CD247: variants seen among roughly 807,000 people sequenced by gnomAD.
CD247 encodes T-cell surface glycoprotein CD3 zeta chain.
Under a neutral mutation model 30.0 loss-of-function variants are expected in CD247, and 13 were observed. The observed-to-expected ratio is 0.43, with a 90% CI of 0.28 to 0.69. The LOEUF is 0.69. CD247 is among the 30% of genes least tolerant of loss of function. The pLI is 0.16. For missense variants in CD247, 193 were observed against 212.6 expected, an observed-to-expected ratio of 0.91 and a Z score of 0.57; for synonymous variants, 72 against 80.0, an observed-to-expected ratio of 0.90 and a Z score of 0.53.
intron 1 of CD247, among the ~76,000 whole-genome samples, chr1:167,469,137 A>G (rs1053773667): frequency 2.6e-5 from 4 of 152,116 alleles, no homozygotes; most frequent in African/African-American, 7.2e-5. Context: ...TGTGTGCCAC[A>G]GTGCCCGGCT....
chr1:167,474,721 A>G (rs1265107913), intron 1 of CD247, among the ~76,000 whole-genome samples: 1 of 151,774 alleles, frequency 6.6e-6, no homozygotes, highest in Non-Finnish European at 1.5e-5. Context: ...TTGAGCATAT[A>G]AGAAAAACGA....
intron 1 of CD247, among the ~76,000 whole-genome samples, chr1:167,456,243 G>C (rs994754706): frequency 6.6e-6 from 1 of 152,094 alleles, no homozygotes; most frequent in South Asian, 2.1e-4. Flanking sequence ...GTGGAGCTCC[G>C]AGAATACATG....
intron 1 of CD247, among the ~76,000 whole-genome samples, chr1:167,497,446 C>A (rs577564129): frequency 6.6e-6 from 1 of 152,270 alleles, no homozygotes; most frequent in African/African-American, 2.4e-5. Flanking sequence ...AAATAGGATA[C>A]AGTGAAATCG....
rs1316801237 is a variant in CD247, at chr1:167,438,563, C to T, written c.300+7G>A. 1 of 1,610,106 alleles carries T rather than the reference C, an allele frequency of 6.2e-7. No homozygotes were observed. The highest frequency in any genetic ancestry group is 1.7e-5 in the Admixed American group (1 of 60,024). On this transcript the variant is annotated splice_region_variant and intron_variant, in intron 4 of 7. Transcript: ENST00000362089. Reference sequence around the variant, plus strand: ...AGGAACACACAGGAAGGTAGAGGAACCCCTACCGGCTTTCCCCCCATCTCA... The same window carrying T: ...AGGAACACACAGGAAGGTAGAGGAATCCCTACCGGCTTTCCCCCCATCTCA...
chr1:167,506,256 C>A (rs1655115995), intron 1 of CD247, among the ~76,000 whole-genome samples: 1 of 51,140 alleles, frequency 2.0e-5, no homozygotes, highest in Non-Finnish European at 4.0e-5. Context: ...CTTTTCTTTT[C>A]TTTTCTTTTC....
At chr1:167,481,075 C>T (rs1433489349) in intron 1 of CD247, among the ~76,000 whole-genome samples, 4 of 152,102 alleles carry the variant, frequency 2.6e-5, no homozygotes, top group African/African-American at 9.7e-5. Context: ...TTGCTGGAGC[C>T]TAGGAATTTG....
chr1:167,478,081 G>A (rs1653823858), intron 1 of CD247, among the ~76,000 whole-genome samples: 1 of 152,214 alleles, frequency 6.6e-6, no homozygotes, highest in Non-Finnish European at 1.5e-5. Context: ...ACCAGGCAAA[G>A]AATCAAAAGG....
At chr1:167,444,317 G>A (rs889054449) in intron 1 of CD247, among the ~76,000 whole-genome samples, 1 of 152,162 alleles carries the variant, frequency 6.6e-6, no homozygotes, top group Non-Finnish European at 1.5e-5. Flanking sequence ...GCACCGCATC[G>A]CCACTCTCTA....
intron 1 of CD247, among the ~76,000 whole-genome samples, chr1:167,461,148 A>G (rs1356617622): frequency 6.6e-6 from 1 of 152,204 alleles, no homozygotes; most frequent in East Asian, 1.9e-4. Flanking sequence ...GCCGCCTCCC[A>G]TGGCAGCTTT....
At chr1:167,504,939 T>C (rs183806153) in intron 1 of CD247, among the ~76,000 whole-genome samples, 1 of 152,316 alleles carries the variant, frequency 6.6e-6, no homozygotes, top group African/African-American at 2.4e-5. Context: ...AAAAATCCAA[T>C]AAATGAAAAT....
intron 1 of CD247, among the ~76,000 whole-genome samples, chr1:167,469,020 G>A (rs552845444): frequency 3.3e-5 from 5 of 151,124 alleles, no homozygotes; most frequent in African/African-American, 7.3e-5. Flanking sequence ...GCTTTGTTTT[G>A]TCTTTTTCCT....
intron 1 of CD247, among the ~76,000 whole-genome samples, chr1:167,501,053 C>CTTTTTTTTT (rs569489236): frequency 8.0e-6 from 1 of 124,362 alleles, no homozygotes; most frequent in Non-Finnish European, 1.7e-5. Flanking sequence ...TCCTATTGTT[C>CTTTTTTTTT]TTTTTTTTTT....
intron 1 of CD247, among the ~76,000 whole-genome samples, chr1:167,446,356 A>T (rs1571522568): frequency 6.6e-6 from 1 of 152,240 alleles, no homozygotes; most frequent in African/African-American, 2.4e-5. Context: ...AGCAAAGAAC[A>T]TAATAAGTCT....
chr1:167,474,780 G>A (rs1571561451), intron 1 of CD247, among the ~76,000 whole-genome samples: 1 of 142,234 alleles, frequency 7.0e-6, no homozygotes, highest in African/African-American at 2.6e-5. Flanking sequence ...TTTTGACGGA[G>A]TCTTGCTCTG....
chr1:167,470,067 T>G (rs1653438938), intron 1 of CD247, among the ~76,000 whole-genome samples: 1 of 151,978 alleles, frequency 6.6e-6, no homozygotes, highest in South Asian at 2.1e-4. Flanking sequence ...GCTCATGCCA[T>G]CATGCCCAGC....
chr1:167,443,143 TC>T (rs1651919457), intron 1 of CD247, among the ~76,000 whole-genome samples: 1 of 152,178 alleles, frequency 6.6e-6, no homozygotes, highest in South Asian at 2.1e-4. Context: ...AGAGCCTATA[TC>T]CCCCAAAGCG....
intron 1 of CD247, among the ~76,000 whole-genome samples, chr1:167,501,320 A>C (rs1349330179): frequency 6.6e-6 from 1 of 151,834 alleles, no homozygotes; most frequent in African/African-American, 2.4e-5. Flanking sequence ...CGGCCTCCCA[A>C]AGTGTTGGGA....
intron 1 of CD247, among the ~76,000 whole-genome samples, chr1:167,489,594 AC>A (rs1654355779): frequency 6.6e-6 from 1 of 152,178 alleles, no homozygotes; most frequent in African/African-American, 2.4e-5. Context: ...TGGGACGCAA[AC>A]CCAGAGTGAC....
chr1:167,484,291 C>T (rs1203774273), intron 1 of CD247, among the ~76,000 whole-genome samples: 3 of 152,208 alleles, frequency 2.0e-5, no homozygotes, highest in East Asian at 3.8e-4. Context: ...TCTGTTTCCT[C>T]CTCTTCCCTA....
Sources: allele counts gnomAD v4.1 joint callset (sites outside exome capture counted in the v4.1 genomes callset), GRCh38; gene constraint gnomAD v4.1.1; transcripts MANE v1.5; gene names NCBI Gene and HGNC (gene_info 2026-07-23, HGNC 2026-07-21).